The following CEP112 variants were observed in gnomAD, a reference collection of about 807,000 sequenced individuals.
The protein encoded by CEP112 is centrosomal protein of 112 kDa.
Under a neutral mutation model 153.0 loss-of-function variants are expected in CEP112, and 127 were observed. The observed-to-expected ratio is 0.83, with a 90% confidence interval of 0.72 to 0.96. The LOEUF (loss-of-function observed/expected upper bound fraction) is 0.96. Ranked by LOEUF, CEP112 falls within the 40% of genes least tolerant of loss-of-function variation. The pLI is 0.00. For missense variants in CEP112, 1,089 were observed against 1,101.2 expected, an observed-to-expected ratio of 0.99 and a Z score of 0.16; for synonymous variants, 358 against 374.4, an observed-to-expected ratio of 0.96 and a Z score of 0.51.
intron 8 of CEP112, among the ~76,000 whole-genome samples, chr17:66,083,714 G>A (rs2067811172): frequency 6.6e-6 from 1 of 152,096 alleles, no homozygotes; most frequent in Non-Finnish European, 1.5e-5. Flanking sequence ...AGCCAGGCGT[G>A]GTGGTGAGTG....
chr17:66,092,117 G>A (rs1335739336), intron 8 of CEP112, among the ~76,000 whole-genome samples: 3 of 148,868 alleles, frequency 2.0e-5, no homozygotes, highest in Non-Finnish European at 4.4e-5. Flanking sequence ...TCTTCTCACT[G>A]CAACCCCCAC....
chr17:65,756,405 CAAAAAAAAAAAAAAA>C (rs766476895), intron 21 of CEP112, among the ~76,000 whole-genome samples: 4 of 30,516 alleles, frequency 1.3e-4, no homozygotes, highest in Non-Finnish European at 2.4e-4. Flanking sequence ...GACTCCGTCT[CAAAAAAAAAAAAAAA>C]AAAAAAAAAA....
chr17:65,721,875 C>T (rs2049908672), intron 23 of CEP112, among the ~76,000 whole-genome samples: 1 of 151,926 alleles, frequency 6.6e-6, no homozygotes, highest in African/African-American at 2.4e-5. Context: ...GCAACAAAGC[C>T]AACTATTGAA....
intron 21 of CEP112, among the ~76,000 whole-genome samples, chr17:65,830,846 A>G (rs532252863): frequency 6.6e-6 from 1 of 152,150 alleles, no homozygotes; most frequent in South Asian, 2.1e-4. Context: ...TCTCACTATA[A>G]GTCTTCCCCA....
chr17:65,965,334 A>C (rs2062369720), intron 17 of CEP112, among the ~76,000 whole-genome samples: 1 of 152,146 alleles, frequency 6.6e-6, no homozygotes, highest in South Asian at 2.1e-4. Context: ...ATTGTTTTAT[A>C]CTCAATTATA....
At chr17:66,053,623 T>A (rs1415310928) in intron 12 of CEP112, 113 bp downstream of exon 12, 1 of 1,089,156 alleles carries the variant, frequency 9.2e-7, no homozygotes, top group Non-Finnish European at 1.3e-6. Flanking sequence ...GTAAAGTTTT[T>A]CTTTTGATTC....
chr17:66,012,880 C>A (rs1234716469), intron 16 of CEP112, among the ~76,000 whole-genome samples: 2 of 152,146 alleles, frequency 1.3e-5, no homozygotes, highest in Non-Finnish European at 2.9e-5. Context: ...GATTTGGTCT[C>A]TTCACATAAT....
At chr17:65,824,033 T>C (rs916498490) in intron 21 of CEP112, among the ~76,000 whole-genome samples, 19 of 152,188 alleles carry the variant, frequency 1.2e-4, no homozygotes, top group Non-Finnish European at 2.6e-4. Context: ...GGGAGACAGT[T>C]TGGCAGTTTC....
chr17:66,181,282 G>T (rs892004296), intron 2 of CEP112, among the ~76,000 whole-genome samples: 2 of 152,130 alleles, frequency 1.3e-5, no homozygotes, highest in Non-Finnish European at 2.9e-5. Context: ...GAATGCCATA[G>T]ATGTACCAAT....
chr17:65,762,982 G>A (rs1311841916), intron 21 of CEP112, among the ~76,000 whole-genome samples: 3 of 151,850 alleles, frequency 2.0e-5, no homozygotes, highest in Non-Finnish European at 4.4e-5. Flanking sequence ...AACATTTCTT[G>A]TGAGGCAGGT....
At chr17:66,175,879 G>A (rs939198269) in intron 3 of CEP112, among the ~76,000 whole-genome samples, 1 of 152,046 alleles carries the variant, frequency 6.6e-6, no homozygotes, top group Admixed American at 6.5e-5. Flanking sequence ...ACCTTTACAC[G>A]TTTCTAAAGA....
intron 8 of CEP112, among the ~76,000 whole-genome samples, chr17:66,074,058 G>A (rs2067395542): frequency 1.3e-5 from 2 of 151,848 alleles, no homozygotes; most frequent in Admixed American, 1.3e-4. Flanking sequence ...TACCTTCAAA[G>A]AACTAAAGGA....
rs572408000 is a variant in CEP112, at chr17:66,101,069, C to T, written c.643-4437G>A. Among the ~76,000 whole-genome samples the T allele has an allele frequency of 3.7e-3, 562 of 151,970 alleles. 7 individuals carry two copies. Among genetic ancestry groups the T allele is most frequent in the Non-Finnish European group, 3.0e-3 (206 of 67,916 alleles). ...TTGAATAAAATCCGATGTGATATGC[C>T]GAATATCTTTCAGAGTATAATATAA... is the stretch of plus-strand genomic sequence containing the variant. On this transcript the variant is annotated intron_variant, in intron 6 of 26. Coordinates refer to ENST00000535342, the MANE Select transcript of CEP112 (RefSeq NM_001199165.4).
intron 8 of CEP112, among the ~76,000 whole-genome samples, chr17:66,090,730 C>T (rs2068100614): frequency 6.6e-6 from 1 of 152,022 alleles, no homozygotes; most frequent in Non-Finnish European, 1.5e-5. Flanking sequence ...GGATTAAATT[C>T]TCTAATCAAA....
chr17:65,909,116 T>C (rs1226116908), intron 19 of CEP112, among the ~76,000 whole-genome samples: 1 of 152,216 alleles, frequency 6.6e-6, no homozygotes, highest in East Asian at 1.9e-4. Context: ...AAGACTAATA[T>C]ACCCCAATAA....
chr17:65,834,918 C>T (rs4790926), intron 21 of CEP112, among the ~76,000 whole-genome samples: 146,822 of 152,274 alleles, frequency 0.96, 70,908 homozygotes, highest in East Asian at 1. Context: ...GCAGCACTAT[C>T]CACAATAGCA....
chr17:65,907,422 T>C (rs1270233304), intron 19 of CEP112, among the ~76,000 whole-genome samples: 2 of 152,218 alleles, frequency 1.3e-5, no homozygotes, highest in Non-Finnish European at 2.9e-5. Context: ...TTCTACTTAA[T>C]GAACAAATCT....
intron 6 of CEP112, among the ~76,000 whole-genome samples, chr17:66,111,378 A>G (rs1269970661): frequency 2.0e-5 from 3 of 152,238 alleles, no homozygotes; most frequent in Non-Finnish European, 4.4e-5. Flanking sequence ...AGGAATATAA[A>G]TCATTCTACA....
At chr17:65,684,170 T>A (rs2047672815) in intron 24 of CEP112, among the ~76,000 whole-genome samples, 1 of 152,236 alleles carries the variant, frequency 6.6e-6, no homozygotes, top group African/African-American at 2.4e-5. Context: ...TTATTCATCT[T>A]CGTTTCTTCT....
Sources: allele counts gnomAD v4.1 joint callset (sites outside exome capture counted in the v4.1 genomes callset), GRCh38; gene constraint gnomAD v4.1.1; transcripts MANE v1.5; gene names NCBI Gene and HGNC (gene_info 2026-07-23, HGNC 2026-07-21).